SCAMP1: variants seen among roughly 807,000 people sequenced by gnomAD.
SCAMP1 encodes secretory carrier membrane protein 1, also known as secretory carrier-associated membrane protein 1.
A neutral mutation model predicts 41.8 loss-of-function variants in SCAMP1; 15 were observed. The ratio of observed to expected loss-of-function variants is 0.36; its 90% CI spans 0.24 to 0.55. The LOEUF is 0.55. Among genes scored for constraint, SCAMP1 ranks in the 20% least tolerant of loss-of-function variants. The pLI, the probability that SCAMP1 is intolerant of heterozygous loss-of-function variation, is 0.86. For synonymous variants in SCAMP1, 135 were observed against 136.8 expected (o/e 0.99, Z 0.09); for missense variants, 341 against 412.6 (o/e 0.83, Z 1.50).
chr5:78,368,228 A>G (rs1362506264), intron 1 of SCAMP1, among the ~76,000 whole-genome samples: 2 of 152,190 alleles, frequency 1.3e-5, no homozygotes, highest in Non-Finnish European at 2.9e-5. Context: ...AGATGTTTAG[A>G]AAACTTTTGT....
At chr5:78,404,647 C>T (rs1751888374) in intron 2 of SCAMP1, among the ~76,000 whole-genome samples, 1 of 152,068 alleles carries the variant, frequency 6.6e-6, no homozygotes, top group African/African-American at 2.4e-5. Context: ...TTAGGTGGGA[C>T]AGAATGGCTA....
At chr5:78,436,682 C>G (rs904370558) in intron 6 of SCAMP1, among the ~76,000 whole-genome samples, 1 of 152,112 alleles carries the variant, frequency 6.6e-6, no homozygotes, top group Admixed American at 6.5e-5. Context: ...GTTCTTTTTG[C>G]TTAGGATTGT....
At chr5:78,389,009 A>C (rs754791345) in intron 2 of SCAMP1, 95 bp downstream of exon 2, 65 of 599,970 alleles carry the variant, frequency 1.1e-4, no homozygotes, top group Non-Finnish European at 1.5e-4. Flanking sequence ...CTTACACTTA[A>C]ATAAAACAAA....
intron 6 of SCAMP1, among the ~76,000 whole-genome samples, chr5:78,429,591 CTT>C (rs1367196063): frequency 6.6e-6 from 1 of 151,862 alleles, no homozygotes; most frequent in Non-Finnish European, 1.5e-5. Flanking sequence ...TTTGCCCTAC[CTT>C]GGTTGAAATA....
chr5:78,411,035 TAG>T (rs956072035), intron 2 of SCAMP1, among the ~76,000 whole-genome samples: 45 of 152,226 alleles, frequency 3.0e-4, no homozygotes, highest in Non-Finnish European at 1.3e-4. Flanking sequence ...CTCTGGTTAT[TAG>T]ACTTTTGTCA....
At chr5:78,432,262 A>G (rs1235594453) in intron 6 of SCAMP1, among the ~76,000 whole-genome samples, 1 of 152,114 alleles carries the variant, frequency 6.6e-6, no homozygotes, top group African/African-American at 2.4e-5. Flanking sequence ...ATTGGCCTTT[A>G]TTAATACCAT....
In SCAMP1 at chr5:78,362,145, G is replaced by C. The variant is rs946456301; in HGVS notation, c.57+1417G>C. ...GTATTGGACTTGCTTCCATGTTGTG[G>C]AAAATCAGGTAGTTCTTAAATGGTA... On this transcript the variant is annotated intron_variant, in intron 1 of 8. Coordinates refer to ENST00000621999, the MANE Select transcript of SCAMP1 (RefSeq NM_004866.6). Among the ~76,000 whole-genome samples the C allele has an allele frequency of 3.3e-5, 5 of 152,202 alleles. No individual in the cohort carries two copies. The East Asian group carries it at 7.7e-4, about 23-fold the overall frequency.
At position 78,477,097 on chromosome 5, in the gene SCAMP1, T is replaced by G. The variant is rs1425030144; in HGVS notation, c.*1429T>G. 1.3e-5 allele frequency: 2 copies of G among 152,172 alleles called. No individual in the cohort carries two copies. The highest frequency in any genetic ancestry group is 4.8e-5 in the African/African-American group (2 of 41,460). 9.4% of individuals were successfully genotyped at this position (152,172 alleles called of 1,614,324 possible). A position where few individuals can be genotyped will look rare whatever the true frequency, so the allele number is the denominator to read the frequency against. On this transcript the variant is annotated 3_prime_UTR_variant, in exon 9 of 9. Coordinates refer to ENST00000621999, the MANE Select transcript of SCAMP1 (RefSeq NM_004866.6). ...TGATATTAGAGGCTGGAAATCCTTA[T>G]TTTTTAAAAAATCAGATAGGCATAA...
chr5:78,454,386 G>A (rs1266670659), intron 7 of SCAMP1, among the ~76,000 whole-genome samples: 1 of 152,198 alleles, frequency 6.6e-6, no homozygotes, highest in Non-Finnish European at 1.5e-5. Context: ...AGAGTTTTTA[G>A]CATGAAGTGT....
intron 1 of SCAMP1, among the ~76,000 whole-genome samples, chr5:78,387,664 G>A (rs779994179): frequency 1.3e-5 from 2 of 152,106 alleles, no homozygotes; most frequent in African/African-American, 4.8e-5. Context: ...TTGATGTGGT[G>A]CTCCTCCCTT....
chr5:78,391,927 G>C (rs1751520620), intron 2 of SCAMP1, among the ~76,000 whole-genome samples: 1 of 152,138 alleles, frequency 6.6e-6, no homozygotes. Flanking sequence ...GAATCAGGCA[G>C]GGAGGTTGCA....
intron 2 of SCAMP1, among the ~76,000 whole-genome samples, chr5:78,391,602 GGT>G (rs1406039841): frequency 6.6e-6 from 1 of 151,934 alleles, no homozygotes; most frequent in Admixed American, 6.6e-5. Flanking sequence ...TCCCACACGG[GGT>G]GGCGGCCGGG....
In SCAMP1 at chr5:78,416,574, C is replaced by T. The variant is rs563016417; in HGVS notation, c.268C>T (p.Arg90Cys). Residue 90 changes from arginine to cysteine, a missense_variant, in exon 4 of 9, where the codon CGC becomes TGC. Coordinates refer to ENST00000621999, the MANE Select transcript of SCAMP1 (RefSeq NM_004866.6). ...HALAQAELLKRQEELERKAAE... is the reference protein window; with the variant it reads ...HALAQAELLKCQEELERKAAE... ...ATTGGCCCAAGCTGAACTTCTTAAG[C>T]GCCAGGAAGAACTAGAAAGAAAAGC... 19 of 1,598,256 alleles carry T rather than the reference C, an allele frequency of 1.2e-5. No individual in the cohort carries two copies. The highest frequency in any genetic ancestry group is 4.0e-5 in the African/African-American group (3 of 74,478).
intron 6 of SCAMP1, among the ~76,000 whole-genome samples, chr5:78,433,943 T>C (rs1415388129): frequency 6.6e-6 from 1 of 152,172 alleles, no homozygotes; most frequent in Non-Finnish European, 1.5e-5. Context: ...GGATTTTTTT[T>C]CCTGTGCCCT....
At chr5:78,382,679 T>C (rs945318862) in intron 1 of SCAMP1, among the ~76,000 whole-genome samples, 1 of 152,136 alleles carries the variant, frequency 6.6e-6, no homozygotes, top group African/African-American at 2.4e-5. Flanking sequence ...GGTTTTCCAG[T>C]CCTCAGTTAC....
chr5:78,447,933 C>G (rs1206683670), intron 6 of SCAMP1, among the ~76,000 whole-genome samples: 4 of 75,426 alleles, frequency 5.3e-5, no homozygotes, highest in Non-Finnish European at 1.1e-4. Flanking sequence ...TTCCCCCTTC[C>G]TCCCTCCTTC....
chr5:78,422,480 A>G (rs1270590048), intron 6 of SCAMP1, among the ~76,000 whole-genome samples: 1 of 152,248 alleles, frequency 6.6e-6, no homozygotes, highest in African/African-American at 2.4e-5. Context: ...TAGGTTAAGT[A>G]TAATGCTTTA....
intron 6 of SCAMP1, among the ~76,000 whole-genome samples, chr5:78,430,327 G>A (rs1027488082): frequency 1.3e-5 from 2 of 148,550 alleles, no homozygotes; most frequent in South Asian, 2.1e-4. Flanking sequence ...CTAGTATATC[G>A]TGATTATATT....
At chr5:78,387,831 T>C (rs1158058298) in intron 1 of SCAMP1, among the ~76,000 whole-genome samples, 2 of 152,182 alleles carry the variant, frequency 1.3e-5, no homozygotes, top group East Asian at 1.9e-4. Context: ...CTGTCAGCCA[T>C]GGATACCAAC....
Sources: gnomAD v4.1 joint callset for allele counts (sites outside exome capture counted in the v4.1 genomes callset) on GRCh38, gnomAD v4.1.1 for gene constraint, MANE v1.5 for transcripts, NCBI Gene and HGNC (gene_info 2026-07-23, HGNC 2026-07-21) for gene names.